Variants in STOX2 observed in about 807,000 individuals in gnomAD.
STOX2 encodes storkhead-box protein 2.
Under a neutral mutation model 60.9 loss-of-function variants are expected in STOX2, and 28 were observed. The observed-to-expected ratio is 0.46, with a 90% CI of 0.34 to 0.63. STOX2 has a LOEUF of 0.63. Among genes scored for constraint, STOX2 ranks in the 30% least tolerant of loss-of-function variants. STOX2 has a pLI of 0.01. For missense variants in STOX2, 1,024 were observed against 1,187.7 expected (o/e 0.86, Z 2.03); for synonymous variants, 472 against 463.9 (o/e 1.02, Z -0.22).
At chr4:183,944,314 C>T (rs1004884382) in intron 1 of STOX2, among the ~76,000 whole-genome samples, 2 of 152,208 alleles carry the variant, frequency 1.3e-5, no homozygotes, top group Admixed American at 6.5e-5. Flanking sequence ...GAATAGTTCA[C>T]GTGGTGCTGA....
chr4:183,807,850 G>T (rs1027612456), intron 1 of STOX2, among the ~76,000 whole-genome samples: 2 of 152,200 alleles, frequency 1.3e-5, no homozygotes, highest in African/African-American at 4.8e-5. Context: ...GGAGGTGTGA[G>T]GGGAGCAGCT....
At chr4:183,943,642 G>A (rs564431892) in intron 1 of STOX2, among the ~76,000 whole-genome samples, 1 of 152,152 alleles carries the variant, frequency 6.6e-6, no homozygotes, top group East Asian at 1.9e-4. Context: ...GAAATCTCAG[G>A]CCAAGGCAGG....
intron 1 of STOX2, among the ~76,000 whole-genome samples, chr4:183,986,303 G>A (rs1475362459): frequency 2.6e-5 from 4 of 152,220 alleles, no homozygotes; most frequent in Non-Finnish European, 4.4e-5. Flanking sequence ...GTTAAAAAGT[G>A]CATCAGTAGC....
intron 2 of STOX2, among the ~76,000 whole-genome samples, chr4:184,005,951 ACT>A (rs1733805566): frequency 1.3e-5 from 2 of 152,076 alleles, no homozygotes; most frequent in Admixed American, 1.3e-4. Context: ...AAGCACAAAT[ACT>A]CTATGGAAAT....
intron 1 of STOX2, among the ~76,000 whole-genome samples, chr4:183,916,105 G>C (rs1236592256): frequency 6.6e-6 from 1 of 152,272 alleles, no homozygotes; most frequent in African/African-American, 2.4e-5. Context: ...TCTGGTGCTA[G>C]TAAGGTAAGA....
chr4:183,988,029 T>C (rs1237759513), intron 1 of STOX2: 1 of 151,990 alleles, frequency 6.6e-6, no homozygotes, highest in Non-Finnish European at 1.5e-5. Context: ...TAAAAAAATA[T>C]GAGTTGGTGC....
intron 1 of STOX2, among the ~76,000 whole-genome samples, chr4:183,989,762 T>A (rs1372456439): frequency 6.6e-6 from 1 of 152,130 alleles, no homozygotes; most frequent in African/African-American, 2.4e-5. Context: ...GAAAGCTTTT[T>A]AAAAAAACAT....
chr4:183,860,610 A>G (rs544618237), intron 1 of STOX2, among the ~76,000 whole-genome samples: 1 of 152,356 alleles, frequency 6.6e-6, no homozygotes, highest in East Asian at 1.9e-4. Context: ...TATTTGTGAT[A>G]TGCTAATTAG....
intron 1 of STOX2, among the ~76,000 whole-genome samples, chr4:183,862,400 T>G (rs1180978173): frequency 3.3e-5 from 5 of 152,224 alleles, no homozygotes. Context: ...GGTCTTGAAC[T>G]GCCTACCTCG....
At position 184,011,435 on chromosome 4, in the gene STOX2, T is replaced by C; in HGVS notation, c.2585+12T>C. On this transcript the variant is annotated intron_variant, in intron 3 of 3. Coordinates refer to ENST00000308497, the MANE Select transcript of STOX2 (RefSeq NM_020225.3). The surrounding 1 kb of genome is among the most constrained non-coding windows in gnomAD (Gnocchi z 4.4). ...TTCAACTCCCCACGGTAGGGAGAGGTGTCTCTGTGCACACACATGCGCCTA... is the reference window on the plus strand; with the variant it reads ...TTCAACTCCCCACGGTAGGGAGAGGCGTCTCTGTGCACACACATGCGCCTA... 1 of 1,605,598 alleles carries C rather than the reference T, an allele frequency of 6.2e-7. No homozygotes were observed.
At chr4:183,893,574 T>TG in intron 1 of STOX2, among the ~76,000 whole-genome samples, 1 of 152,302 alleles carries the variant, frequency 6.6e-6, no homozygotes, top group South Asian at 2.1e-4. Context: ...GAAGAGCGGA[T>TG]GGAGATACTC....
At chr4:183,919,926 T>G (rs1742049848) in intron 1 of STOX2, among the ~76,000 whole-genome samples, 1 of 152,104 alleles carries the variant, frequency 6.6e-6, no homozygotes, top group Non-Finnish European at 1.5e-5. Flanking sequence ...TTATTGAGCA[T>G]GTACTTGGTG....
chr4:183,822,324 C>T (rs189517999), intron 1 of STOX2, among the ~76,000 whole-genome samples: 209 of 152,326 alleles, frequency 1.4e-3, no homozygotes, highest in Non-Finnish European at 2.8e-3. Context: ...TTGTAAAGGA[C>T]AGTTTTTCCA....
At chr4:183,987,388 C>A (rs1372567173) in intron 1 of STOX2, among the ~76,000 whole-genome samples, 1 of 152,120 alleles carries the variant, frequency 6.6e-6, no homozygotes, top group African/African-American at 2.4e-5. Context: ...CAGGTGTACA[C>A]GTGAGTGATT....
intron 1 of STOX2, among the ~76,000 whole-genome samples, chr4:183,807,871 C>G (rs1376307190): frequency 6.6e-6 from 1 of 152,178 alleles, no homozygotes; most frequent in Non-Finnish European, 1.5e-5. Context: ...GCCTGCTGTC[C>G]GTGAGGCTGC....
intron 1 of STOX2, among the ~76,000 whole-genome samples, chr4:183,995,934 T>C (rs1386056492): frequency 2.0e-5 from 3 of 152,186 alleles, no homozygotes; most frequent in Non-Finnish European, 2.9e-5. Flanking sequence ...CCGTCTTCCA[T>C]GCCCCTCATC....
intron 1 of STOX2, among the ~76,000 whole-genome samples, chr4:183,852,659 A>G (rs1311804165): frequency 3.3e-5 from 5 of 152,342 alleles, no homozygotes; most frequent in African/African-American, 1.2e-4. Flanking sequence ...CGGAAGCAGC[A>G]TTCCCTTCAG....
At chr4:183,827,720 A>C (rs927408281) in intron 1 of STOX2, among the ~76,000 whole-genome samples, 2 of 152,038 alleles carry the variant, frequency 1.3e-5, no homozygotes. Context: ...TTTATAAATA[A>C]ATTTCAAAAA....
upstream of STOX2, among the ~76,000 whole-genome samples, chr4:183,901,969 C>T (rs1001627236): frequency 2.0e-5 from 3 of 152,138 alleles, no homozygotes; most frequent in Admixed American, 2.0e-4. Flanking sequence ...TCTTTTGTGG[C>T]TTGTGTCTTT....
Sources: gnomAD v4.1 joint callset for allele counts (sites outside exome capture counted in the v4.1 genomes callset) on GRCh38, gnomAD v4.1.1 for gene constraint, Gnocchi (gnomAD v3.1) non-coding constraint, MANE v1.5 for transcripts, NCBI Gene and HGNC (gene_info 2026-07-23, HGNC 2026-07-21) for gene names.